JCAD: variants seen among roughly 807,000 people sequenced by gnomAD.
JCAD encodes the protein junctional cadherin 5-associated protein.
JCAD carries 40 observed loss-of-function variants against 98.0 expected under a neutral mutation model. The observed-to-expected ratio is 0.41, with a 90% confidence interval of 0.32 to 0.53. JCAD has a LOEUF of 0.53. Among genes scored for constraint, JCAD ranks in the 20% least tolerant of loss-of-function variants. The pLI, the probability that JCAD is intolerant of heterozygous loss-of-function variation, is 0.31. For synonymous variants in JCAD, 691 were observed against 682.3 expected (o/e 1.01, Z -0.20); for missense variants, 1,705 against 1,738.1 (o/e 0.98, Z 0.34).
intron 1 of JCAD, among the ~76,000 whole-genome samples, chr10:30,074,160 G>A (rs1282660340): frequency 2.0e-5 from 3 of 152,098 alleles, no homozygotes; most frequent in Non-Finnish European, 2.9e-5. Context: ...TATTCTTTGA[G>A]GCATACAGGA....
intron 3 of JCAD, among the ~76,000 whole-genome samples, chr10:30,020,922 T>G (rs1836648619): frequency 6.6e-6 from 1 of 152,200 alleles, no homozygotes; most frequent in Non-Finnish European, 1.5e-5. Flanking sequence ...AGCCTCACAT[T>G]ACATAACACT....
chr10:30,024,462 A>G (rs558714545), intron 3 of JCAD, among the ~76,000 whole-genome samples: 111 of 152,278 alleles, frequency 7.3e-4, no homozygotes, highest in African/African-American at 2.5e-3. Context: ...CAGAAAGCTC[A>G]AAAAATGGGC....
At chr10:30,105,230 T>C (rs764247195) in intron 1 of JCAD, among the ~76,000 whole-genome samples, 2 of 152,210 alleles carry the variant, frequency 1.3e-5, no homozygotes, top group Non-Finnish European at 1.5e-5. Context: ...ATCCCTATAA[T>C]GGCAGATATC....
intron 1 of JCAD, among the ~76,000 whole-genome samples, chr10:30,111,866 G>A (rs1229049312): frequency 6.6e-6 from 1 of 152,200 alleles, no homozygotes; most frequent in Non-Finnish European, 1.5e-5. Flanking sequence ...TGGTGGGAAT[G>A]TGAAATAGTG....
At position 30,026,469 on chromosome 10, in the gene JCAD, C is replaced by T. The variant is rs745463702; in HGVS notation, c.3679G>A (p.Ala1227Thr). 24 of 1,614,230 alleles carry T rather than the reference C, an allele frequency of 1.5e-5. No individual in the cohort carries two copies. The highest frequency in any genetic ancestry group is 1.9e-5 in the Non-Finnish European group (23 of 1,180,042). ...CTTCTAAGTCTCTTTTCAGAGCCTG[C>T]CACACTTGGGGTTCTTTCTACAAAA... ...FHFVERTPSV[A>T]GSEKRLRSPS... Residue 1227 changes from alanine to threonine, a missense_variant, in exon 3 of 4, where the codon GCA (alanine) becomes ACA (threonine). This residue lies in a region of JCAD where 1,278 missense variants were observed against 1,243.1 expected (regional missense o/e 1.03). Transcript: ENST00000375377.
At chr10:30,032,058 C>T (rs1261163227) in intron 2 of JCAD, among the ~76,000 whole-genome samples, 1 of 152,166 alleles carries the variant, frequency 6.6e-6, no homozygotes, top group Non-Finnish European at 1.5e-5. Flanking sequence ...CCGGCTCCAT[C>T]TGTATTTTTA....
intron 1 of JCAD, among the ~76,000 whole-genome samples, chr10:30,083,060 A>G (rs373174629): frequency 1.3e-4 from 20 of 151,592 alleles, no homozygotes; most frequent in East Asian, 7.7e-4. Context: ...AAAAACAGAA[A>G]CAAAAAAAAG....
At chr10:30,066,631 C>T (rs578189883) in intron 2 of JCAD, among the ~76,000 whole-genome samples, 2 of 152,260 alleles carry the variant, frequency 1.3e-5, no homozygotes, top group East Asian at 1.9e-4. Flanking sequence ...GTGGTCCAGA[C>T]GTGGGCACCC....
intron 2 of JCAD, among the ~76,000 whole-genome samples, chr10:30,042,816 G>A (rs1260565374): frequency 2.0e-5 from 3 of 152,014 alleles, no homozygotes; most frequent in Non-Finnish European, 2.9e-5. Context: ...TCCACTTCCT[G>A]CCTCCCAAAG....
chr10:30,055,541 C>T (rs1036720056), intron 1 of JCAD, among the ~76,000 whole-genome samples: 5 of 152,150 alleles, frequency 3.3e-5, no homozygotes, highest in South Asian at 2.1e-4. Flanking sequence ...TATTAAATAA[C>T]GCAACAGTCC....
In JCAD at chr10:30,026,444, C is replaced by A; in HGVS notation, c.3704G>T (p.Ser1235Ile). 2 of 1,614,234 alleles carry A rather than the reference C, an allele frequency of 1.2e-6. No homozygotes were observed. Among genetic ancestry groups the A allele is most frequent in the Non-Finnish European group, 1.7e-6 (2 of 1,180,050 alleles). Reference protein sequence around the residue: ...SVAGSEKRLRSPSKVIESLQE... With the variant: ...SVAGSEKRLRIPSKVIESLQE... ...TAAACTTTCAATCACTTTGGAAGGGCTTCTAAGTCTCTTTTCAGAGCCTGC... is the reference window on the plus strand; with the variant it reads ...TAAACTTTCAATCACTTTGGAAGGGATTCTAAGTCTCTTTTCAGAGCCTGC... The change falls in exon 3 of 4, where the codon AGC becomes ATC. Residue 1235 changes from serine (S) to isoleucine (I), a missense_variant. Transcript: ENST00000375377.
chr10:30,029,363 G>A lies in JCAD; in HGVS notation c.785C>T (p.Pro262Leu), dbSNP rs770136630. The A allele has an allele frequency of 1.9e-6, 3 of 1,614,094 alleles. No individual in the cohort carries two copies. Among genetic ancestry groups the A allele is most frequent in the South Asian group, 2.2e-5 (2 of 91,074 alleles). Residue 262 changes from proline to leucine, a missense_variant, in exon 3 of 4, where the codon CCT becomes CTT. Coordinates refer to ENST00000375377, the MANE Select transcript of JCAD (RefSeq NM_020848.4). Reference sequence around the variant, plus strand: ...GTCCAAATTTGGTGCGCAAGTGGGAGGATACGGTGGCATTTTAGGTGAATG... The same window carrying A: ...GTCCAAATTTGGTGCGCAAGTGGGAAGATACGGTGGCATTTTAGGTGAATG... The part of the protein sequence containing the change: ...ERHSPKMPPY[P>L]PTCAPNLDST...
chr10:30,045,544 C>A (rs1837317030), intron 2 of JCAD, among the ~76,000 whole-genome samples: 1 of 152,176 alleles, frequency 6.6e-6, no homozygotes, highest in South Asian at 2.1e-4. Context: ...ATATACTCAG[C>A]AGAAAACTAA....
At chr10:30,095,173 A>AT (rs1219012532) in intron 1 of JCAD, among the ~76,000 whole-genome samples, 1 of 151,680 alleles carries the variant, frequency 6.6e-6, no homozygotes, top group African/African-American at 2.4e-5. Context: ...TCATGCCTCT[A>AT]TTTTTCTTTC....
intron 2 of JCAD, among the ~76,000 whole-genome samples, chr10:30,047,244 T>G (rs980862270): frequency 6.6e-6 from 1 of 152,144 alleles, no homozygotes; most frequent in Non-Finnish European, 1.5e-5. Context: ...TGGTGGCACA[T>G]GCCTGTAATC....
At chr10:30,089,513 C>CGTGTGTGTGTGT (rs58665379) in intron 1 of JCAD, among the ~76,000 whole-genome samples, 1,550 of 143,002 alleles carry the variant, frequency 0.011, 37 homozygotes, top group African/African-American at 0.037. Flanking sequence ...ATGCTTCTTC[C>CGTGTGTGTGTGT]GTGTGTGTGT....
At position 30,104,170 on chromosome 10, in the gene JCAD, G is replaced by A. The variant is rs142046902; in HGVS notation, n.128+11197C>T. Among the ~76,000 whole-genome samples the A allele has an allele frequency of 4.4e-3, 672 of 152,312 alleles. 7 individuals carry two copies. Among genetic ancestry groups the A allele is most frequent in the South Asian group, 0.044 (212 of 4,824 alleles). On this transcript the variant is annotated intron_variant and non_coding_transcript_variant, in intron 1 of 2. Transcript: ENST00000465712. ...AAAATGATTTCAGAGGTCGTGGAGC[G>A]TAAGTCCTGAGAGGGTTGCAGGTGG...
chr10:30,030,013 A>C, intron 2 of JCAD, 147 bp from the exon 3 acceptor site: 1 of 957,874 alleles, frequency 1.0e-6, no homozygotes, highest in Non-Finnish European at 1.5e-6. Flanking sequence ...AAGAAAACAT[A>C]TCCCATTAAT....
rs1306103277 is a variant in JCAD, at chr10:30,017,202, C to T, written c.*681G>A. 2.0e-5 allele frequency: 3 copies of T among 152,074 alleles called. No homozygotes were observed. The highest frequency in any genetic ancestry group is 4.8e-5 in the African/African-American group (2 of 41,396). The allele number at this position is 152,074 out of a possible 1,614,324, so 9.4% of individuals were successfully genotyped here. A position where few individuals can be genotyped will look rare whatever the true frequency, so the allele number is the denominator to read the frequency against. ...ATACTGAGTGCAAAGCAGACAATGG[C>T]GTGTTTGCAAATGATCAAAATATTT... On this transcript the variant is annotated 3_prime_UTR_variant, in exon 4 of 4. Transcript: ENST00000375377.
Sources: allele counts gnomAD v4.1 joint callset (sites outside exome capture counted in the v4.1 genomes callset), GRCh38; gene constraint gnomAD v4.1.1; regional missense constraint gnomAD v4.1.1; transcripts MANE v1.5; gene names NCBI Gene and HGNC (gene_info 2026-07-23, HGNC 2026-07-21).